The following EPB41L3 variants were observed in gnomAD, a reference collection of about 807,000 sequenced individuals.
EPB41L3 encodes the protein band 4.1-like protein 3.
EPB41L3 carries 57 observed loss-of-function variants against 127.1 expected under a neutral mutation model. That is an observed-to-expected ratio of 0.45 (90% CI 0.36 to 0.56). The LOEUF is 0.56. EPB41L3 is among the 20% of genes least tolerant of loss of function. The pLI, the probability that EPB41L3 is intolerant of heterozygous loss-of-function variation, is 0.00. For synonymous variants in EPB41L3, 572 were observed against 549.5 expected, an observed-to-expected ratio of 1.04 and a Z score of -0.57; for missense variants, 1,273 against 1,372.2, an observed-to-expected ratio of 0.93 and a Z score of 1.14.
chr18:5,500,253 A>C (rs181135546), intron 1 of EPB41L3, among the ~76,000 whole-genome samples: 49 of 152,338 alleles, frequency 3.2e-4, no homozygotes, highest in African/African-American at 1.2e-3. Flanking sequence ...TTCTTCGCCA[A>C]TTCTATTCAG....
At chr18:5,614,487 G>A (rs1181952984) in intron 1 of EPB41L3, 1 of 152,164 alleles carries the variant, frequency 6.6e-6, no homozygotes, top group Non-Finnish European at 1.5e-5. Flanking sequence ...CGCAAAGCAG[G>A]AGGAAATGGA....
chr18:5,437,221 G>T (rs2079983014), intron 6 of EPB41L3, among the ~76,000 whole-genome samples: 2 of 152,148 alleles, frequency 1.3e-5, no homozygotes. Context: ...GATTAGGGTG[G>T]AGCCCTCATG....
intron 2 of EPB41L3, among the ~76,000 whole-genome samples, chr18:5,482,748 C>T (rs2148053398): frequency 6.6e-6 from 1 of 152,216 alleles, no homozygotes; most frequent in East Asian, 1.9e-4. Context: ...AAGAATATTG[C>T]ATCCAACAAA....
intron 3 of EPB41L3, among the ~76,000 whole-genome samples, chr18:5,581,948 G>C (rs550496402): frequency 9.2e-5 from 14 of 152,304 alleles, no homozygotes; most frequent in African/African-American, 3.4e-4. Context: ...AGTGAGCTAT[G>C]ACTGTACCGC....
At chr18:5,624,868 G>A (rs1024378819) in intron 1 of EPB41L3, among the ~76,000 whole-genome samples, 9 of 152,246 alleles carry the variant, frequency 5.9e-5, no homozygotes, top group Middle Eastern at 3.4e-3. Flanking sequence ...AAGGAAAGAT[G>A]AGAGAGAGAG....
At chr18:5,629,509 T>C (rs1474920228), upstream of EPB41L3, among the ~76,000 whole-genome samples, 2 of 151,914 alleles carry the variant, frequency 1.3e-5, no homozygotes, top group Admixed American at 6.5e-5. Flanking sequence ...CACTGTCCAC[T>C]TGAAAGCAGG....
chr18:5,481,617 C>T (rs532168009), intron 2 of EPB41L3, among the ~76,000 whole-genome samples: 5 of 152,250 alleles, frequency 3.3e-5, no homozygotes, highest in Admixed American at 3.3e-4. Context: ...GGAGAAAAAG[C>T]CGGGAGATGG....
intron 3 of EPB41L3, among the ~76,000 whole-genome samples, chr18:5,449,283 A>G (rs1032934605): frequency 3.9e-5 from 6 of 152,066 alleles, no homozygotes; most frequent in African/African-American, 1.5e-4. Flanking sequence ...ACAGCGAGAT[A>G]CCTCCAAACG....
chr18:5,545,498 G>A (rs2093862109), upstream of EPB41L3, among the ~76,000 whole-genome samples: 1 of 152,150 alleles, frequency 6.6e-6, no homozygotes, highest in Admixed American at 6.5e-5. Flanking sequence ...GTTTTTTCAT[G>A]TTGAAGAGGG....
At chr18:5,629,884 A>G (rs1437113687), upstream of EPB41L3, among the ~76,000 whole-genome samples, 2 of 152,110 alleles carry the variant, frequency 1.3e-5, no homozygotes, top group African/African-American at 4.8e-5. Flanking sequence ...GCAAAAGCAC[A>G]GAGTCTCGGA....
At chr18:5,479,510 G>T (rs907052270) in intron 2 of EPB41L3, 1 of 151,964 alleles carries the variant, frequency 6.6e-6, no homozygotes, top group South Asian at 2.1e-4. Context: ...AAAGATATTT[G>T]GGTATATTTA....
At chr18:5,498,042 T>C (rs1368196578) in intron 1 of EPB41L3, among the ~76,000 whole-genome samples, 2 of 152,218 alleles carry the variant, frequency 1.3e-5, no homozygotes, top group Non-Finnish European at 2.9e-5. Context: ...GTGCTATTAG[T>C]CTACACGTGA....
rs370727575 is a variant in EPB41L3 at position 5,415,809 on chromosome 18, G to T, written c.2067+9C>A. 1 of 1,608,654 alleles carries T rather than the reference G, an allele frequency of 6.2e-7. No homozygotes were observed. The highest frequency in any genetic ancestry group is 1.3e-5 in the African/African-American group (1 of 74,810). ...GAAGGGGAAGCGTGTTCTATGCCGA[G>T]GTACACACCTCTTCCTCTGAACTGT... On this transcript the variant is annotated intron_variant, in intron 13 of 22. Transcript: ENST00000341928.
At chr18:5,595,762 A>G (rs2143663177) in intron 3 of EPB41L3, among the ~76,000 whole-genome samples, 1 of 152,288 alleles carries the variant, frequency 6.6e-6, no homozygotes, top group South Asian at 2.1e-4. Context: ...GAATTCCTGG[A>G]CATGTGCTTA....
upstream of EPB41L3, among the ~76,000 whole-genome samples, chr18:5,548,409 A>G (rs995176245): frequency 6.6e-6 from 1 of 152,216 alleles, no homozygotes; most frequent in African/African-American, 2.4e-5. Flanking sequence ...TAAAGTATTG[A>G]TAAGTATAAA....
intron 8 of EPB41L3, among the ~76,000 whole-genome samples, chr18:5,430,109 T>C (rs2145627584): frequency 6.6e-6 from 1 of 152,364 alleles, no homozygotes; most frequent in South Asian, 2.1e-4. Flanking sequence ...AAAATTTTAA[T>C]CACCCGTTAA....
In EPB41L3 at chr18:5,416,063, AAG is replaced by A. The variant is rs1241034445; in HGVS notation, c.1820_1821del (p.Ser607PhefsTer6). ...AGGTTGGTTTCAGAAAGGTTGGGGA[AAG>A]AGAGGTATCCATCATCATCTAGGAG... ...PSLLDDDGYL[S>X]FPNLSETNLL... On this transcript the variant is annotated frameshift_variant, in exon 13 of 23. Coordinates refer to ENST00000341928, the MANE Select transcript of EPB41L3 (RefSeq NM_012307.5). LOFTEE classifies it high-confidence loss of function. 6.2e-7 allele frequency: 1 copy of A among 1,613,632 alleles called. No homozygotes were observed. The highest frequency in any genetic ancestry group is 8.5e-7 in the Non-Finnish European group (1 of 1,179,716).
intron 1 of EPB41L3, chr18:5,521,217 A>G (rs1004342108): frequency 6.6e-6 from 1 of 152,230 alleles, no homozygotes; most frequent in Non-Finnish European, 1.5e-5. Context: ...TTTTATCTAC[A>G]TTGTTAGCTA....
In EPB41L3 at chr18:5,520,010, C is replaced by T. The variant is rs138854648; in HGVS notation, c.-12+23903G>A. On this transcript the variant is annotated intron_variant, in intron 1 of 22. Transcript: ENST00000341928. ...GAACTGTTTTGCTTTTTGACGCAAC[C>T]CAAGGAGCTTGTCCATGGTTCTCTG... 2.9e-3 allele frequency among the ~76,000 whole-genome samples: 435 copies of T among 152,166 alleles called. 3 individuals carry two copies. Among genetic ancestry groups the T allele is most frequent in the Non-Finnish European group, 5.3e-3 (360 of 67,986 alleles).
Sources: gnomAD v4.1 joint callset for allele counts (sites outside exome capture counted in the v4.1 genomes callset) on GRCh38, gnomAD v4.1.1 for gene constraint, MANE v1.5 for transcripts, NCBI Gene and HGNC (gene_info 2026-07-23, HGNC 2026-07-21) for gene names.